Variants in SMOC1 observed in about 807,000 individuals in gnomAD.
SMOC1 encodes SPARC-related modular calcium-binding protein 1.
Under a neutral mutation model 56.3 loss-of-function variants are expected in SMOC1, and 22 were observed. The observed-to-expected ratio is 0.39, with a 90% CI of 0.28 to 0.56. The LOEUF (loss-of-function observed/expected upper bound fraction) is 0.56. Ranked by LOEUF, SMOC1 falls within the 20% of genes least tolerant of loss-of-function variation. The probability of loss-of-function intolerance (pLI) is 0.61; values close to 1 mark genes in which losing one functional copy is unlikely to be tolerated. For missense variants in SMOC1, 509 were observed against 565.4 expected, an observed-to-expected ratio of 0.90 and a Z score of 1.01; for synonymous variants, 193 against 215.0, an observed-to-expected ratio of 0.90 and a Z score of 0.89.
chr14:69,975,584 G>T, intron 3 of SMOC1, 131 bp from the exon 4 acceptor site: 1 of 745,494 alleles, frequency 1.3e-6, no homozygotes, highest in South Asian at 1.4e-5. Flanking sequence ...ACACTCTGGA[G>T]ACAGATGTGG....
intron 1 of SMOC1, among the ~76,000 whole-genome samples, chr14:69,884,888 A>T (rs1883752567): frequency 6.6e-6 from 1 of 151,756 alleles, no homozygotes; most frequent in African/African-American, 2.4e-5. Context: ...TGTTCTTGTT[A>T]CTTTTTACTT....
chr14:69,994,850 G>C (rs227412), intron 7 of SMOC1, among the ~76,000 whole-genome samples: 71,783 of 152,020 alleles, frequency 0.47, 18,261 homozygotes, highest in African/African-American at 0.65. Flanking sequence ...CTCTAAATAG[G>C]TGCTTACAGT....
chr14:70,016,250 A>G (rs1885507398), intron 10 of SMOC1, among the ~76,000 whole-genome samples: 1 of 152,238 alleles, frequency 6.6e-6, no homozygotes, highest in South Asian at 2.1e-4. Flanking sequence ...ACTTTTTAAT[A>G]TCAGTGTGTC....
chr14:69,939,678 C>A (rs1180787546), intron 1 of SMOC1, among the ~76,000 whole-genome samples: 1 of 152,192 alleles, frequency 6.6e-6, no homozygotes, highest in Non-Finnish European at 1.5e-5. Context: ...CTGGTATTTC[C>A]ATTTCTCTTC....
intron 10 of SMOC1, among the ~76,000 whole-genome samples, chr14:70,017,241 G>A (rs554279582): frequency 6.6e-6 from 1 of 152,188 alleles, no homozygotes; most frequent in Non-Finnish European, 1.5e-5. Flanking sequence ...TTACTGTGGT[G>A]CTATTTTGTA....
chr14:69,879,996 C>A (rs1463304458), intron 1 of SMOC1, among the ~76,000 whole-genome samples: 1 of 152,222 alleles, frequency 6.6e-6, no homozygotes, highest in African/African-American at 2.4e-5. Context: ...CATCCCTCCC[C>A]TGTCCCCGAA....
intron 1 of SMOC1, among the ~76,000 whole-genome samples, chr14:69,942,792 A>G (rs1433890110): frequency 6.6e-6 from 1 of 152,210 alleles, no homozygotes; most frequent in Admixed American, 6.5e-5. Flanking sequence ...GAGAAGGAGC[A>G]TGGGTTTGGG....
rs1470755079 is a variant in SMOC1 at position 69,994,394 on chromosome 14, C to T, written c.584-6C>T. On this transcript the variant is annotated splice_region_variant and splice_polypyrimidine_tract_variant and intron_variant, in intron 6 of 11. Transcript: ENST00000361956. ...ACTTTTTCTCTCTCCTTTTCCTCAC[C>T]CCTAGAAATCACAGCCCCAACTCTA... 9.9e-6 allele frequency: 16 copies of T among 1,612,254 alleles called. No individual in the cohort carries two copies. Among genetic ancestry groups the T allele is most frequent in the African/African-American group, 1.3e-5 (1 of 74,964 alleles).
At chr14:70,023,072 GC>G in intron 10 of SMOC1, 130 bp from the exon 11 acceptor site, 1 of 1,389,592 alleles carries the variant, frequency 7.2e-7, no homozygotes, top group Non-Finnish European at 1.0e-6. Flanking sequence ...AGGCTGAGCC[GC>G]TGTGGGTGGA....
rs942076354 is a variant in SMOC1 at position 69,879,433 on chromosome 14, C to G, written c.-246C>G. On this transcript the variant is annotated 5_prime_UTR_variant, in exon 1 of 12. Coordinates refer to ENST00000361956, the MANE Select transcript of SMOC1 (RefSeq NM_001034852.3). ...CCGGGCTCAGGCGTCCAACCTGCTG[C>G]CGCCTGGGCCCCGCCGAGCGGAGCT... The G allele has an allele frequency of 2.6e-6, 1 of 378,976 alleles. No homozygotes were observed. Among genetic ancestry groups the G allele is most frequent in the African/African-American group, 2.1e-5 (1 of 47,084 alleles). 23.5% of individuals were successfully genotyped at this position (378,976 alleles called of 1,614,324 possible). A position where few individuals can be genotyped will look rare whatever the true frequency, so the allele number is the denominator to read the frequency against.
intron 5 of SMOC1, among the ~76,000 whole-genome samples, chr14:69,988,983 A>T (rs1884468562): frequency 6.6e-6 from 1 of 152,216 alleles, no homozygotes; most frequent in African/African-American, 2.4e-5. Flanking sequence ...TGAAGCTTTA[A>T]TGAATAATGC....
chr14:69,923,084 A>G (rs1189761931), intron 1 of SMOC1, among the ~76,000 whole-genome samples: 2 of 152,058 alleles, frequency 1.3e-5, no homozygotes, highest in Non-Finnish European at 2.9e-5. Context: ...AGCTGGGACT[A>G]CAGGCACCCA....
At chr14:69,958,206 C>T (rs1047363682) in intron 3 of SMOC1, among the ~76,000 whole-genome samples, 1 of 152,072 alleles carries the variant, frequency 6.6e-6, no homozygotes, top group Non-Finnish European at 1.5e-5. Context: ...GGCTATATTG[C>T]TCTATGATTG....
intron 1 of SMOC1, among the ~76,000 whole-genome samples, chr14:69,905,879 G>A (rs1191696330): frequency 6.6e-6 from 1 of 152,162 alleles, no homozygotes. Flanking sequence ...GGATTGTTTT[G>A]GATGTGTTGA....
intron 3 of SMOC1, among the ~76,000 whole-genome samples, chr14:69,963,130 T>A (rs2139469651): frequency 6.6e-6 from 1 of 152,262 alleles, no homozygotes; most frequent in South Asian, 2.1e-4. Flanking sequence ...GTAGTAAGTT[T>A]TGAAATCTTA....
chr14:69,988,094 G>A (rs1460798070), intron 5 of SMOC1, among the ~76,000 whole-genome samples: 2 of 152,218 alleles, frequency 1.3e-5, no homozygotes, highest in Non-Finnish European at 2.9e-5. Flanking sequence ...CGCCCTGGCT[G>A]GTGGTGAGAA....
intron 1 of SMOC1, among the ~76,000 whole-genome samples, chr14:69,909,555 T>C (rs1399083138): frequency 6.6e-6 from 1 of 152,234 alleles, no homozygotes; most frequent in Admixed American, 6.5e-5. Flanking sequence ...TGGGAAAGGA[T>C]GATTTCTGGC....
intron 7 of SMOC1, among the ~76,000 whole-genome samples, chr14:70,005,285 A>C (rs1314859666): frequency 2.0e-5 from 3 of 152,250 alleles, no homozygotes; most frequent in African/African-American, 7.2e-5. Flanking sequence ...TAGGTTATCC[A>C]TGCTTTCCTT....
intron 7 of SMOC1, among the ~76,000 whole-genome samples, chr14:69,995,469 T>G (rs1342151992): frequency 6.6e-6 from 1 of 152,206 alleles, no homozygotes; most frequent in Non-Finnish European, 1.5e-5. Flanking sequence ...GTTGGAGATA[T>G]GGGATGGTGG....
Sources: gnomAD v4.1 joint callset for allele counts (sites outside exome capture counted in the v4.1 genomes callset) on GRCh38, gnomAD v4.1.1 for gene constraint, MANE v1.5 for transcripts, NCBI Gene and HGNC (gene_info 2026-07-23, HGNC 2026-07-21) for gene names.